The following FGD4 variants were observed in gnomAD, a reference collection of about 807,000 sequenced individuals.
FGD4 encodes FYVE, RhoGEF and PH domain-containing protein 4.
In FGD4, 42 loss-of-function variants were observed where a neutral mutation model predicts 102.0. The observed-to-expected ratio is 0.41, with a 90% CI of 0.32 to 0.53. The LOEUF (loss-of-function observed/expected upper bound fraction) is 0.53. FGD4 is among the 20% of genes least tolerant of loss of function. FGD4 has a pLI of 0.21. For synonymous variants in FGD4, 380 were observed against 375.7 expected (o/e 1.01, Z -0.13); for missense variants, 902 against 1,078.2 (o/e 0.84, Z 2.29).
At chr12:32,530,168 A>G (rs1285818631) in intron 1 of FGD4, among the ~76,000 whole-genome samples, 1 of 152,108 alleles carries the variant, frequency 6.6e-6, no homozygotes, top group Admixed American at 6.5e-5. Flanking sequence ...AAAATTTAAT[A>G]TAATAAAAAA....
chr12:32,480,721 G>C (rs1433647479), intron 1 of FGD4, among the ~76,000 whole-genome samples: 1 of 150,500 alleles, frequency 6.6e-6, no homozygotes, highest in Non-Finnish European at 1.5e-5. Context: ...GGATGCTCTT[G>C]CTCTCCTGAC....
At position 32,595,103 on chromosome 12, in the gene FGD4, G is replaced by A. The variant is rs116132551; in HGVS notation, c.1012-3394G>A. The stretch of plus-strand genomic sequence containing the variant: ...ATGTTGATGCAGGGGAATATTTCCT[G>A]TGAATATGAAGGACAGCATATTCCT... On this transcript the variant is annotated intron_variant, in intron 4 of 16. Transcript: ENST00000534526. Among the ~76,000 whole-genome samples the A allele has an allele frequency of 1.6e-3, 249 of 151,232 alleles. 1 individual carries two copies. Among genetic ancestry groups the A allele is most frequent in the African/African-American group, 5.2e-3 (216 of 41,292 alleles).
intron 1 of FGD4, among the ~76,000 whole-genome samples, chr12:32,528,791 G>C (rs1941513224): frequency 6.6e-6 from 1 of 152,024 alleles, no homozygotes; most frequent in African/African-American, 2.4e-5. Flanking sequence ...TTTTGTTGTT[G>C]TCTTGTTTTT....
At chr12:32,556,004 A>AT (rs879919901) in intron 1 of FGD4, among the ~76,000 whole-genome samples, 17 of 148,118 alleles carry the variant, frequency 1.1e-4, no homozygotes, top group African/African-American at 2.0e-4. Context: ...TGCCCAGCTA[A>AT]TTTTTTTTTT....
At chr12:32,586,906 C>T (rs147955688) in intron 4 of FGD4, among the ~76,000 whole-genome samples, 1 of 149,616 alleles carries the variant, frequency 6.7e-6, no homozygotes, top group Non-Finnish European at 1.5e-5. Flanking sequence ...ATAGAATATT[C>T]TGGGCTGGGT....
At chr12:32,547,143 C>T (rs10431284) in intron 1 of FGD4, among the ~76,000 whole-genome samples, 63,824 of 151,986 alleles carry the variant, frequency 0.42, 15,276 homozygotes, top group African/African-American at 0.66. Flanking sequence ...ATATGACATT[C>T]AACATCAGGC....
chr12:32,411,489 G>A (rs896446347), intron 1 of FGD4, among the ~76,000 whole-genome samples: 3 of 152,022 alleles, frequency 2.0e-5, no homozygotes, highest in East Asian at 3.9e-4. Flanking sequence ...AGGCGAGATC[G>A]CGCCGCCACA....
chr12:32,538,533 C>A (rs1942508785), intron 1 of FGD4, among the ~76,000 whole-genome samples: 1 of 152,080 alleles, frequency 6.6e-6, no homozygotes, highest in Non-Finnish European at 1.5e-5. Context: ...TTGGAAGCCT[C>A]ACAGGCCAAG....
At chr12:32,418,709 A>G (rs970757546) in intron 1 of FGD4, among the ~76,000 whole-genome samples, 1 of 152,066 alleles carries the variant, frequency 6.6e-6, no homozygotes, top group African/African-American at 2.4e-5. Flanking sequence ...TGTAACCACT[A>G]CCTGGCTACC....
intron 1 of FGD4, among the ~76,000 whole-genome samples, chr12:32,530,941 G>GTTTTTTGTTT (rs1941731564): frequency 1.4e-5 from 1 of 70,466 alleles, no homozygotes; most frequent in African/African-American, 6.9e-5. Flanking sequence ...CCTAGCTTTG[G>GTTTTTTGTTT]TTTTTTTTTT....
At chr12:32,592,790 ATGAC>A (rs1947588266) in intron 4 of FGD4, among the ~76,000 whole-genome samples, 2 of 152,204 alleles carry the variant, frequency 1.3e-5, no homozygotes, top group African/African-American at 4.8e-5. Flanking sequence ...TTACTTCAAA[ATGAC>A]TGTATTTTGT....
Position 32,422,288 on chromosome 12 carries a change from C to CTTTTTTTTTT in FGD4, c.166+22348_166+22357dup, listed in dbSNP as rs770560590. Among the ~76,000 whole-genome samples the CTTTTTTTTTT allele has an allele frequency of 2.1e-3, 112 of 54,174 alleles. 17 individuals carry two copies. Among genetic ancestry groups the CTTTTTTTTTT allele is most frequent in the African/African-American group, 3.7e-3 (48 of 12,924 alleles). 35.5% of individuals were successfully genotyped at this position (54,174 alleles called of 152,430 possible). Reference sequence around the variant, plus strand: ...TTGAAGCATCTCAAATTGGGAGCTGCTTTTTTTTTTTTTTTTTTTTTTTTT... The same window carrying CTTTTTTTTTT: ...TTGAAGCATCTCAAATTGGGAGCTGCTTTTTTTTTTTTTTTTTTTTTTTTTTTTTTTTTTT... On this transcript the variant is annotated intron_variant, in intron 1 of 16. Transcript: ENST00000534526.
At chr12:32,434,797 C>G (rs1012972130) in intron 1 of FGD4, among the ~76,000 whole-genome samples, 6 of 152,134 alleles carry the variant, frequency 3.9e-5, no homozygotes, top group African/African-American at 1.4e-4. Flanking sequence ...TGTGTTGAGG[C>G]ACCATATGAT....
chr12:32,439,721 TG>T (rs1337060238), intron 1 of FGD4, among the ~76,000 whole-genome samples: 2 of 152,204 alleles, frequency 1.3e-5, no homozygotes, highest in African/African-American at 4.8e-5. Flanking sequence ...TCTCCATGTT[TG>T]AGACATTCTT....
chr12:32,595,231 TAA>T (rs920209493), intron 4 of FGD4, among the ~76,000 whole-genome samples: 7 of 152,206 alleles, frequency 4.6e-5, no homozygotes, highest in Non-Finnish European at 8.8e-5. Context: ...ACAATGTATT[TAA>T]GTTTTATCTC....
intron 1 of FGD4, among the ~76,000 whole-genome samples, chr12:32,499,108 T>A (rs1193207076): frequency 1.3e-5 from 2 of 152,314 alleles, no homozygotes; most frequent in East Asian, 3.9e-4. Context: ...CGAAGGGAAA[T>A]GGAACAACAT....
chr12:32,401,491 T>C (rs1208438889), intron 1 of FGD4, among the ~76,000 whole-genome samples: 109 of 151,836 alleles, frequency 7.2e-4, no homozygotes, highest in African/African-American at 2.6e-3. Flanking sequence ...GAACTCCTGA[T>C]CTCAAGTGAT....
In FGD4 at chr12:32,528,053, C is replaced by T. The variant is rs548672185; in HGVS notation, c.167-36084C>T. 9.9e-5 allele frequency among the ~76,000 whole-genome samples: 15 copies of T among 152,122 alleles called. 1 individual carries two copies. In the South Asian group the frequency reaches 3.1e-3, roughly 32 times the overall value. On this transcript the variant is annotated intron_variant, in intron 1 of 16. Transcript: ENST00000534526. ...GATCTCAGGTCACTGCAGCCTCTGC[C>T]TCAGCCTCCCAAGTAGCTGGAATTT...
intron 1 of FGD4, among the ~76,000 whole-genome samples, chr12:32,550,650 G>A (rs1361511193): frequency 3.3e-5 from 4 of 121,128 alleles, no homozygotes; most frequent in South Asian, 2.7e-4. Context: ...CAGCCTGGGC[G>A]ACAGAGCAAG....
Sources: allele counts gnomAD v4.1 joint callset (sites outside exome capture counted in the v4.1 genomes callset), GRCh38; gene constraint gnomAD v4.1.1; transcripts MANE v1.5; gene names NCBI Gene and HGNC (gene_info 2026-07-23, HGNC 2026-07-21).